NTRK2: variants seen among roughly 807,000 people sequenced by gnomAD.
NTRK2 encodes BDNF/NT-3 growth factors receptor.
In NTRK2, 13 loss-of-function variants were observed where a neutral mutation model predicts 94.5. The observed-to-expected ratio is 0.14, with a 90% CI of 0.09 to 0.22. The LOEUF (loss-of-function observed/expected upper bound fraction) is 0.22. Ranked by LOEUF, NTRK2 falls within the 10% of genes least tolerant of loss-of-function variation. NTRK2 has a pLI of 1.00. For missense variants in NTRK2, 639 were observed against 1,071.2 expected (o/e 0.60, Z 5.63); for synonymous variants, 372 against 407.4 (o/e 0.91, Z 1.05).
At chr9:84,899,875 G>A (rs1564446530) in intron 14 of NTRK2, among the ~76,000 whole-genome samples, 1 of 152,160 alleles carries the variant, frequency 6.6e-6, no homozygotes, top group Non-Finnish European at 1.5e-5. Flanking sequence ...GTTCCCTATG[G>A]GGTGGACACC....
intron 14 of NTRK2, among the ~76,000 whole-genome samples, chr9:84,911,974 TTTC>T (rs1264187823): frequency 6.6e-6 from 1 of 152,172 alleles, no homozygotes; most frequent in Non-Finnish European, 1.5e-5. Context: ...AATGCAATTT[TTTC>T]TTATTTCCCT....
intron 12 of NTRK2, among the ~76,000 whole-genome samples, chr9:84,838,899 AT>A (rs200912726): frequency 7.7e-4 from 113 of 147,406 alleles, no homozygotes; most frequent in Admixed American, 6.1e-4. Flanking sequence ...AGCCTTAATG[AT>A]TTTTTTTTTT....
intron 17 of NTRK2, among the ~76,000 whole-genome samples, chr9:84,968,743 A>G (rs560531343): frequency 2.8e-4 from 43 of 152,356 alleles, no homozygotes; most frequent in African/African-American, 8.2e-4. Flanking sequence ...GAGTGCTGTC[A>G]TGATGCCACC....
intron 2 of NTRK2, among the ~76,000 whole-genome samples, chr9:84,699,958 CT>C (rs1239270909): frequency 1.3e-5 from 2 of 152,056 alleles, no homozygotes; most frequent in East Asian, 1.9e-4. Flanking sequence ...AGATGAGTGC[CT>C]TGTGCAGATC....
intron 12 of NTRK2, among the ~76,000 whole-genome samples, 184 bp downstream of exon 12, chr9:84,752,269 ACTACC>A (rs1295720115): frequency 6.6e-6 from 1 of 152,250 alleles, no homozygotes; most frequent in African/African-American, 2.4e-5. Context: ...ATTACTCAGC[ACTACC>A]CACTTTTCCA....
At chr9:84,889,630 C>T (rs1191562444) in intron 14 of NTRK2, among the ~76,000 whole-genome samples, 1 of 152,116 alleles carries the variant, frequency 6.6e-6, no homozygotes, top group Non-Finnish European at 1.5e-5. Flanking sequence ...CCAGGCTGGT[C>T]TAAAACTCCT....
At chr9:84,733,726 C>T (rs1425013417) in intron 9 of NTRK2, among the ~76,000 whole-genome samples, 3 of 152,146 alleles carry the variant, frequency 2.0e-5, no homozygotes, top group Non-Finnish European at 4.4e-5. Context: ...AGGGATGTCC[C>T]TGCCTTGATA....
chr9:84,671,871 C>A (rs573616222), intron 2 of NTRK2, among the ~76,000 whole-genome samples: 1 of 152,330 alleles, frequency 6.6e-6, no homozygotes, highest in East Asian at 1.9e-4. Context: ...ACTTGCCAGT[C>A]CTTTCTCTAG....
At chr9:84,870,941 A>T (rs1226268370) in intron 14 of NTRK2, among the ~76,000 whole-genome samples, 1 of 152,256 alleles carries the variant, frequency 6.6e-6, no homozygotes, top group Non-Finnish European at 1.5e-5. Flanking sequence ...AATCTAATAT[A>T]TGTAAGATCT....
intron 17 of NTRK2, among the ~76,000 whole-genome samples, chr9:84,992,545 C>T (rs763705820): frequency 7.6e-4 from 115 of 151,996 alleles, no homozygotes; most frequent in Non-Finnish European, 1.5e-3. Context: ...GGTTTCCTCC[C>T]GGGTTCCACA....
intron 12 of NTRK2, among the ~76,000 whole-genome samples, chr9:84,839,484 C>T (rs112334941): frequency 3.3e-5 from 5 of 152,164 alleles, no homozygotes; most frequent in South Asian, 2.1e-4. Context: ...TTCACTGTGA[C>T]GGGTCTTAGT....
At chr9:84,673,278 G>T (rs1439050) in intron 2 of NTRK2, among the ~76,000 whole-genome samples, 58,472 of 151,946 alleles carry the variant, frequency 0.38, 12,013 homozygotes, top group African/African-American at 0.53. Flanking sequence ...TGTTTCACTC[G>T]CATCCTTATA....
intron 15 of NTRK2, among the ~76,000 whole-genome samples, chr9:84,938,220 T>C (rs1324902424): frequency 6.6e-6 from 1 of 152,234 alleles, no homozygotes; most frequent in African/African-American, 2.4e-5. Flanking sequence ...TTTTCATGTT[T>C]CCAAATTCTT....
intron 17 of NTRK2, among the ~76,000 whole-genome samples, chr9:84,990,195 A>G (rs1588130426): frequency 1.3e-5 from 2 of 152,226 alleles, no homozygotes; most frequent in African/African-American, 4.8e-5. Context: ...TTTGTATCCC[A>G]GGCATCTAGC....
intron 12 of NTRK2, among the ~76,000 whole-genome samples, chr9:84,754,852 CT>C (rs2132539933): frequency 6.6e-6 from 1 of 152,312 alleles, no homozygotes; most frequent in East Asian, 1.9e-4. Flanking sequence ...GCACTCACAG[CT>C]TTTTGCCCAT....
intron 12 of NTRK2, among the ~76,000 whole-genome samples, chr9:84,837,930 T>A (rs1207121688): frequency 6.6e-6 from 1 of 152,204 alleles, no homozygotes; most frequent in Non-Finnish European, 1.5e-5. Flanking sequence ...TTATTACCAT[T>A]ATTTTATCAC....
At chr9:84,811,096 G>A in intron 12 of NTRK2, 1 of 1,068,682 alleles carries the variant, frequency 9.4e-7, no homozygotes, top group Non-Finnish European at 1.1e-6. Context: ...AATTCAGAGG[G>A]TTTGACTTTT....
At chr9:84,944,976 G>A (rs1483495622) in intron 15 of NTRK2, among the ~76,000 whole-genome samples, 1 of 152,166 alleles carries the variant, frequency 6.6e-6, no homozygotes, top group African/African-American at 2.4e-5. Context: ...AGAGCTCGAG[G>A]GCAGAGCCAG....
At chr9:84,876,147 C>T in intron 14 of NTRK2, 1 of 1,039,966 alleles carries the variant, frequency 9.6e-7, no homozygotes, top group Non-Finnish European at 1.2e-6. Context: ...GGAACCCAAG[C>T]TCCTCATTAG....
Sources: allele counts gnomAD v4.1 joint callset (sites outside exome capture counted in the v4.1 genomes callset), GRCh38; gene constraint gnomAD v4.1.1; transcripts MANE v1.5; gene names NCBI Gene and HGNC (gene_info 2026-07-23, HGNC 2026-07-21).